Variants in ERBB4 observed in about 807,000 individuals in gnomAD.
ERBB4 encodes the protein receptor tyrosine-protein kinase erbB-4.
ERBB4 carries 42 observed loss-of-function variants against 158.0 expected under a neutral mutation model. That is an observed-to-expected ratio of 0.27 (90% CI 0.21 to 0.34). ERBB4 has a LOEUF of 0.34. ERBB4 is among the 10% of genes least tolerant of loss of function. The pLI, the probability that ERBB4 is intolerant of heterozygous loss-of-function variation, is 1.00. For missense variants in ERBB4, 1,333 were observed against 1,624.1 expected (o/e 0.82, Z 3.08); for synonymous variants, 583 against 558.7 (o/e 1.04, Z -0.61).
At position 211,750,678 on chromosome 2, in the gene ERBB4, C is replaced by T; in HGVS notation, c.583G>A (p.Gly195Ser). The change falls in exon 5 of 28, where the codon GGC (glycine) becomes AGC (serine). Residue 195 changes from glycine (G) to serine (S), a missense_variant. Physicochemically the swap from Gly to Ser is moderately conservative, Grantham distance 56. Around this residue, in one of 5 missense-constraint regions of ERBB4, gnomAD observed 438 missense variants for 586.9 expected, o/e 0.75. Coordinates refer to ENST00000342788, the MANE Select transcript of ERBB4 (RefSeq NM_005235.3). ...GCGRCHKSCTGRCWGPTENHC... is the reference protein window; with the variant it reads ...GCGRCHKSCTSRCWGPTENHC... ...TTTTCTGTGGGTCCCCAGCAACGGC[C>T]AGTACAGGACTTATGGCAACGTCCA... The T allele has an allele frequency of 6.2e-7, 1 of 1,613,924 alleles. No homozygotes were observed. Among genetic ancestry groups the T allele is most frequent in the Non-Finnish European group, 8.5e-7 (1 of 1,179,924 alleles).
intron 4 of ERBB4, among the ~76,000 whole-genome samples, chr2:211,751,513 A>C (rs2075128796): frequency 6.6e-6 from 1 of 152,232 alleles, no homozygotes; most frequent in African/African-American, 2.4e-5. Flanking sequence ...AGATGTTAAA[A>C]ATCTATTAAA....
At chr2:212,009,551 G>C (rs561490738) in intron 2 of ERBB4, among the ~76,000 whole-genome samples, 1 of 152,100 alleles carries the variant, frequency 6.6e-6, no homozygotes, top group African/African-American at 2.4e-5. Flanking sequence ...TTTGTTGTAT[G>C]TTGTTACAGT....
intron 3 of ERBB4, among the ~76,000 whole-genome samples, chr2:211,888,639 G>A (rs915368002): frequency 6.6e-6 from 1 of 152,092 alleles, no homozygotes; most frequent in East Asian, 1.9e-4. Flanking sequence ...CTGAGGTACC[G>A]GGTTTCTCTC....
chr2:212,223,018 C>T (rs2083348281), intron 1 of ERBB4, among the ~76,000 whole-genome samples: 1 of 151,302 alleles, frequency 6.6e-6, no homozygotes, highest in African/African-American at 2.4e-5. Flanking sequence ...TACTTCATGC[C>T]CTGGCCCCTA....
At chr2:211,891,542 G>A (rs1047439298) in intron 3 of ERBB4, among the ~76,000 whole-genome samples, 1 of 97,516 alleles carries the variant, frequency 1.0e-5, no homozygotes, top group Non-Finnish European at 2.0e-5. Context: ...CAGAAGGCAA[G>A]AAATAACTAA....
At chr2:211,671,028 G>A (rs893051885) in intron 14 of ERBB4, among the ~76,000 whole-genome samples, 3 of 152,012 alleles carry the variant, frequency 2.0e-5, no homozygotes, top group African/African-American at 7.2e-5. Flanking sequence ...AAAATATGGT[G>A]TCTTACTATG....
chr2:211,726,857 C>G (rs897593390), intron 5 of ERBB4, among the ~76,000 whole-genome samples: 6 of 152,112 alleles, frequency 3.9e-5, no homozygotes, highest in Non-Finnish European at 5.9e-5. Context: ...GGACAAAAGC[C>G]CTCCATAAGT....
At chr2:211,822,087 T>TA (rs1277583706) in intron 3 of ERBB4, among the ~76,000 whole-genome samples, 1 of 151,768 alleles carries the variant, frequency 6.6e-6, no homozygotes, top group African/African-American at 2.4e-5. Context: ...TAGTGGAAGC[T>TA]AAAAAAATTT....
chr2:212,381,714 G>A (rs1197509798), intron 1 of ERBB4, among the ~76,000 whole-genome samples: 1 of 151,040 alleles, frequency 6.6e-6, no homozygotes, highest in Non-Finnish European at 1.5e-5. Context: ...GAGCTGTCTA[G>A]GCATCACTTA....
intron 3 of ERBB4, among the ~76,000 whole-genome samples, chr2:211,886,528 G>A (rs2078805756): frequency 6.6e-6 from 1 of 152,090 alleles, no homozygotes; most frequent in African/African-American, 2.4e-5. Context: ...AAATAAACAT[G>A]TGCCCACTGA....
chr2:211,422,153 AG>A (rs750235669), intron 23 of ERBB4, 49 bp from the exon 24 acceptor site: 2 of 1,204,180 alleles, frequency 1.7e-6, no homozygotes, highest in South Asian at 2.4e-5. Flanking sequence ...ACTAGAAAGG[AG>A]TTGAAATTTA....
At chr2:212,326,986 T>C (rs2087869832) in intron 1 of ERBB4, among the ~76,000 whole-genome samples, 1 of 150,874 alleles carries the variant, frequency 6.6e-6, no homozygotes, top group Non-Finnish European at 1.5e-5. Context: ...AAACAACTAT[T>C]CATTGAGATG....
chr2:212,008,693 C>T (rs2076312469), intron 2 of ERBB4, among the ~76,000 whole-genome samples: 1 of 152,104 alleles, frequency 6.6e-6, no homozygotes, highest in Non-Finnish European at 1.5e-5. Context: ...AGATTAATTT[C>T]ATAGGAGCAT....
chr2:211,877,703 AC>A (rs1197461379), intron 3 of ERBB4, among the ~76,000 whole-genome samples: 1 of 152,340 alleles, frequency 6.6e-6, no homozygotes, highest in East Asian at 1.9e-4. Context: ...GGAAATAAAT[AC>A]CTGAATATAC....
chr2:212,104,313 T>TA (rs1281042213), intron 2 of ERBB4, among the ~76,000 whole-genome samples: 3 of 152,100 alleles, frequency 2.0e-5, no homozygotes, highest in Non-Finnish European at 2.9e-5. Context: ...ACAGAATATA[T>TA]TGTTCAAAGT....
At chr2:212,234,117 T>C (rs1403607837) in intron 1 of ERBB4, among the ~76,000 whole-genome samples, 1 of 152,044 alleles carries the variant, frequency 6.6e-6, no homozygotes, top group Non-Finnish European at 1.5e-5. Flanking sequence ...TTTCTTCTAA[T>C]GCCATCCCTC....
At chr2:212,340,739 C>T (rs890963048) in intron 1 of ERBB4, among the ~76,000 whole-genome samples, 2 of 152,194 alleles carry the variant, frequency 1.3e-5, no homozygotes, top group East Asian at 1.9e-4. Flanking sequence ...CACTGCTCAC[C>T]TACCTGCGGT....
At chr2:211,515,913 T>TATACATATA (rs71054105) in intron 20 of ERBB4, among the ~76,000 whole-genome samples, 1 of 57,376 alleles carries the variant, frequency 1.7e-5, no homozygotes, top group East Asian at 3.6e-4. Context: ...TATATATATA[T>TATACATATA]TTTTTTTTTT....
chr2:212,323,879 G>A (rs2087689797), intron 1 of ERBB4, among the ~76,000 whole-genome samples: 1 of 150,158 alleles, frequency 6.7e-6, no homozygotes, highest in Admixed American at 6.6e-5. Context: ...CCTCTTTATT[G>A]ACTGACGTGT....
Sources: gnomAD v4.1 joint callset for allele counts (sites outside exome capture counted in the v4.1 genomes callset) on GRCh38, gnomAD v4.1.1 for gene constraint, gnomAD v4.1.1 regional missense constraint, MANE v1.5 for transcripts, NCBI Gene and HGNC (gene_info 2026-07-23, HGNC 2026-07-21) for gene names.